FIP1L1: variants seen among roughly 807,000 people sequenced by gnomAD.
FIP1L1 encodes the protein pre-mRNA 3'-end-processing factor FIP1.
A neutral mutation model predicts 84.6 loss-of-function variants in FIP1L1; 21 were observed. The observed-to-expected ratio is 0.25, with a 90% CI of 0.18 to 0.36. FIP1L1 has a LOEUF of 0.36. FIP1L1 is among the 10% of genes least tolerant of loss of function. The probability of loss-of-function intolerance (pLI) is 1.00; values close to 1 mark genes in which losing one functional copy is unlikely to be tolerated. For synonymous variants in FIP1L1, 263 were observed against 242.3 expected, an observed-to-expected ratio of 1.09 and a Z score of -0.80; for missense variants, 526 against 751.1, an observed-to-expected ratio of 0.70 and a Z score of 3.50.
intron 11 of FIP1L1, among the ~76,000 whole-genome samples, chr4:53,420,453 A>AG (rs1560541463): frequency 2.4e-4 from 8 of 33,624 alleles, no homozygotes; most frequent in Admixed American, 9.6e-4. Flanking sequence ...AAAAAAGATA[A>AG]ATCAGACACT....
intron 15 of FIP1L1, among the ~76,000 whole-genome samples, chr4:53,451,171 A>G (rs191610354): frequency 2.5e-4 from 38 of 151,450 alleles, no homozygotes; most frequent in Admixed American, 7.9e-4. Context: ...GGGTTTCACT[A>G]TGTTGGCCAG....
chr4:53,398,051 T>A (rs1162296175), intron 9 of FIP1L1, among the ~76,000 whole-genome samples: 2 of 152,230 alleles, frequency 1.3e-5, no homozygotes, highest in Non-Finnish European at 2.9e-5. Flanking sequence ...TAACATCTTT[T>A]ATCCTTTAGA....
intron 10 of FIP1L1, among the ~76,000 whole-genome samples, chr4:53,402,463 A>G (rs1356858016): frequency 2.6e-5 from 4 of 152,144 alleles, no homozygotes; most frequent in Admixed American, 1.3e-4. Context: ...GCACTTTGGG[A>G]GGCTGAGATG....
At chr4:53,444,021 A>G (rs11722866) in intron 14 of FIP1L1, 27 bp from the exon 15 acceptor site, 978,720 of 1,556,850 alleles carry the variant, frequency 0.63, 315,692 homozygotes, top group Non-Finnish European at 0.67. Context: ...TGTACCAGAC[A>G]TAAAAATATA....
At position 53,460,687 on chromosome 4, in the gene FIP1L1, T is replaced by C; in HGVS notation, c.*1238T>C. On this transcript the variant is annotated 3_prime_UTR_variant, in exon 18 of 18. Coordinates refer to ENST00000337488, the MANE Select transcript of FIP1L1 (RefSeq NM_030917.4). ...AAAAAATATAAACAATGTTGTAGAG[T>C]AATGAGAAATCCTCCACACTGAAAA... The C allele has an allele frequency of 2.1e-6, 1 of 485,690 alleles. No individual in the cohort carries two copies. Among genetic ancestry groups the C allele is most frequent in the East Asian group, 3.7e-5 (1 of 26,916 alleles). The allele number at this position is 485,690 out of a possible 1,614,324, so 30.1% of individuals were successfully genotyped here.
chr4:53,455,322 C>T (rs554520203), intron 16 of FIP1L1, among the ~76,000 whole-genome samples: 1 of 152,286 alleles, frequency 6.6e-6, no homozygotes, highest in South Asian at 2.1e-4. Context: ...GAGGGCTAGA[C>T]TTCAGCCTAT....
intron 16 of FIP1L1, among the ~76,000 whole-genome samples, chr4:53,457,642 C>G (rs1465464131): frequency 6.6e-6 from 1 of 152,040 alleles, no homozygotes. Flanking sequence ...ATGTTTCATA[C>G]AAATTACTAC....
intron 10 of FIP1L1, among the ~76,000 whole-genome samples, chr4:53,413,690 T>A (rs1758187137): frequency 6.6e-6 from 1 of 152,122 alleles, no homozygotes; most frequent in Non-Finnish European, 1.5e-5. Flanking sequence ...AGATATTGGG[T>A]TCAGAAGTTT....
In FIP1L1 at chr4:53,404,797, G is replaced by A. The variant is rs1357883196; in HGVS notation, c.815+4958G>A. Among the ~76,000 whole-genome samples the A allele has an allele frequency of 6.6e-5, 10 of 152,064 alleles. No homozygotes were observed. The East Asian group carries it at 7.7e-4, about 12-fold the overall frequency. On this transcript the variant is annotated intron_variant, in intron 10 of 17. Coordinates refer to ENST00000337488, the MANE Select transcript of FIP1L1 (RefSeq NM_030917.4). ...GCATTTTTTCATGTGTTTTTTGGCT[G>A]CATAAATGTCTTCTTTTGAGAAGTG...
At chr4:53,387,267 A>C (rs1741593560) in intron 5 of FIP1L1, among the ~76,000 whole-genome samples, 1 of 152,242 alleles carries the variant, frequency 6.6e-6, no homozygotes, top group Non-Finnish European at 1.5e-5. Flanking sequence ...GTTTCAGGCC[A>C]GCCTGGGCAA....
chr4:53,400,583 A>G (rs1175830053), intron 10 of FIP1L1, among the ~76,000 whole-genome samples: 1 of 152,176 alleles, frequency 6.6e-6, no homozygotes, highest in Non-Finnish European at 1.5e-5. Context: ...ACTGGTTTAA[A>G]TTTATTTTAT....
At chr4:53,405,838 T>A (rs1753096319) in intron 10 of FIP1L1, among the ~76,000 whole-genome samples, 1 of 151,848 alleles carries the variant, frequency 6.6e-6, no homozygotes, top group African/African-American at 2.4e-5. Flanking sequence ...AGAATGCTTG[T>A]GATTTTTGCA....
At chr4:53,410,741 C>T (rs34354009) in intron 10 of FIP1L1, among the ~76,000 whole-genome samples, 17,921 of 152,138 alleles carry the variant, frequency 0.12, 1,146 homozygotes, top group East Asian at 0.16. Flanking sequence ...AACTGCAGAT[C>T]CCAAAAGTGC....
intron 15 of FIP1L1, among the ~76,000 whole-genome samples, chr4:53,445,069 A>G (rs1773610426): frequency 6.6e-6 from 1 of 152,152 alleles, no homozygotes; most frequent in Admixed American, 6.5e-5. Flanking sequence ...GTGAGAGGGA[A>G]CATGGTAGGT....
chr4:53,412,441 CTA>C (rs1323346520), intron 10 of FIP1L1, among the ~76,000 whole-genome samples: 1 of 152,062 alleles, frequency 6.6e-6, no homozygotes, highest in Non-Finnish European at 1.5e-5. Context: ...TTAAATTTAA[CTA>C]TTTTATCTTT....
chr4:53,453,079 C>G lies in FIP1L1; in HGVS notation c.1445C>G (p.Thr482Ser). ...GATCGGGACAGAGAAAGAGAACGCA[C>G]CAGAGAGAGAGAGAGGGAGCGTGAT... The part of the protein sequence containing the change: ...DRDRDRERER[T>S]RERERERDHS... The change falls in exon 16 of 18, where the codon ACC becomes AGC. Residue 482 changes from threonine (T) to serine (S), a missense_variant. Physicochemically the swap from Thr to Ser is moderately conservative, Grantham distance 58. Transcript: ENST00000337488. The G allele has an allele frequency of 6.2e-7, 1 of 1,612,492 alleles. No homozygotes were observed. The highest frequency in any genetic ancestry group is 8.5e-7 in the Non-Finnish European group (1 of 1,178,776).
At chr4:53,449,599 T>TCCG (rs1775574937) in intron 15 of FIP1L1, among the ~76,000 whole-genome samples, 1 of 152,150 alleles carries the variant, frequency 6.6e-6, no homozygotes, top group Admixed American at 6.5e-5. Context: ...ATACTGCCCT[T>TCCG]ACCTGATTTT....
chr4:53,427,994 G>A (rs1336060404), intron 12 of FIP1L1, 33 bp from the exon 13 acceptor site: 2 of 1,455,492 alleles, frequency 1.4e-6, no homozygotes, highest in East Asian at 2.3e-5. Context: ...TAATATTTAT[G>A]CATCTGTTTA....
intron 13 of FIP1L1, among the ~76,000 whole-genome samples, chr4:53,436,953 G>A (rs1262882480): frequency 1.3e-5 from 2 of 152,088 alleles, no homozygotes; most frequent in African/African-American, 2.4e-5. Context: ...ACTTTGAGAG[G>A]CCAAGGCGGG....
Sources: gnomAD v4.1 joint callset for allele counts (sites outside exome capture counted in the v4.1 genomes callset) on GRCh38, gnomAD v4.1.1 for gene constraint, MANE v1.5 for transcripts, NCBI Gene and HGNC (gene_info 2026-07-23, HGNC 2026-07-21) for gene names.